Variants in HAPSTR1 observed in about 807,000 individuals in gnomAD.
HAPSTR1 encodes the protein HUWE1-associated protein modifying stress responses 1.
the HAPSTR1 span, among the ~76,000 whole-genome samples, chr16:9,099,794 C>T: frequency 1.3e-5 from 2 of 152,132 alleles, no homozygotes; most frequent in African/African-American, 4.8e-5. Flanking sequence ...CTAGTTTGTC[C>T]TGGGATTATG....
the HAPSTR1 span, among the ~76,000 whole-genome samples, chr16:9,097,182 C>T: frequency 7.9e-5 from 12 of 151,932 alleles, no homozygotes; most frequent in African/African-American, 2.9e-4. Context: ...TCAGGTGATC[C>T]GCCCGCCTTG....
chr16:9,111,489 A>G, the HAPSTR1 span: 4 of 152,268 alleles, frequency 2.6e-5, no homozygotes, highest in Non-Finnish European at 2.9e-5. Flanking sequence ...AAAGTTTTCA[A>G]TGAAGTTGGC....
the HAPSTR1 span, among the ~76,000 whole-genome samples, chr16:9,101,094 G>T: frequency 5.8e-3 from 882 of 152,288 alleles, 8 homozygotes; most frequent in African/African-American, 0.02. Context: ...CCTTTATGTG[G>T]TGTGATAAGT....
Sources: allele counts gnomAD v4.1 joint callset (sites outside exome capture counted in the v4.1 genomes callset), GRCh38; gene constraint gnomAD v4.1.1; transcripts MANE v1.5; gene names NCBI Gene and HGNC (gene_info 2026-07-23, HGNC 2026-07-21).